Variants in AKAP12 observed in about 807,000 individuals in gnomAD.
AKAP12 encodes the protein A-kinase anchor protein 12.
Under a neutral mutation model 79.9 loss-of-function variants are expected in AKAP12, and 32 were observed. The ratio of observed to expected loss-of-function variants is 0.40; its 90% CI spans 0.30 to 0.54. AKAP12 has a LOEUF of 0.54. Among genes scored for constraint, AKAP12 ranks in the 20% least tolerant of loss-of-function variants. The probability of loss-of-function intolerance (pLI) is 0.48; values close to 1 mark genes in which losing one functional copy is unlikely to be tolerated. For synonymous variants in AKAP12, 808 were observed against 857.0 expected, an observed-to-expected ratio of 0.94 and a Z score of 1.00; for missense variants, 2,074 against 2,177.0, an observed-to-expected ratio of 0.95 and a Z score of 0.94.
intron 3 of AKAP12, among the ~76,000 whole-genome samples, chr6:151,343,056 C>A (rs1397636112): frequency 2.0e-5 from 3 of 152,216 alleles, no homozygotes; most frequent in Non-Finnish European, 4.4e-5. Flanking sequence ...AGCCATAGTG[C>A]CCGGCCCAAT....
chr6:151,322,576 G>A (rs1443616712), intron 3 of AKAP12, among the ~76,000 whole-genome samples: 1 of 152,144 alleles, frequency 6.6e-6, no homozygotes, highest in Non-Finnish European at 1.5e-5. Context: ...GCCCATGCTC[G>A]TCTGTCCCTA....
At chr6:151,279,826 G>A in intron 2 of AKAP12, among the ~76,000 whole-genome samples, 1 of 152,000 alleles carries the variant, frequency 6.6e-6, no homozygotes, top group East Asian at 1.9e-4. Flanking sequence ...CATCCTGGGT[G>A]ATGGAGTGAG....
At chr6:151,332,908 G>A (rs972241024) in intron 3 of AKAP12, among the ~76,000 whole-genome samples, 5 of 152,330 alleles carry the variant, frequency 3.3e-5, no homozygotes, top group African/African-American at 1.2e-4. Flanking sequence ...CTGGGCATGG[G>A]AGAGACTTGG....
At chr6:151,292,738 A>G (rs770603654) in intron 2 of AKAP12, among the ~76,000 whole-genome samples, 1 of 152,240 alleles carries the variant, frequency 6.6e-6, no homozygotes, top group Non-Finnish European at 1.5e-5. Flanking sequence ...AGCTGTCAGC[A>G]TGGTGAAGAG....
At chr6:151,336,679 T>C (rs937376424) in intron 3 of AKAP12, among the ~76,000 whole-genome samples, 7 of 152,038 alleles carry the variant, frequency 4.6e-5, no homozygotes, top group Non-Finnish European at 1.0e-4. Flanking sequence ...GAGGTGGAGG[T>C]TGCAGTGGAA....
chr6:151,254,705 C>T (rs907727870), intron 2 of AKAP12, among the ~76,000 whole-genome samples: 1 of 152,076 alleles, frequency 6.6e-6, no homozygotes, highest in Admixed American at 6.6e-5. Flanking sequence ...AGACAACGAT[C>T]GGTTATTCGT....
At position 151,349,325 on chromosome 6, in the gene AKAP12, A is replaced by C; in HGVS notation, c.934A>C (p.Ser312Arg). Residue 312 changes from serine to arginine, a missense_variant, in exon 4 of 5, where the codon AGT (serine) becomes CGT (arginine). Transcript: ENST00000402676. ...TTGGGCCGGCTGGCGCAAAAAGACC[A>C]GTTTCAGGAAGCCGAAGGAGGATGA... ...QGWAGWRKKT[S>R]FRKPKEDEVE... 1 of 1,613,968 alleles carries C rather than the reference A, an allele frequency of 6.2e-7. No homozygotes were observed. The highest frequency in any genetic ancestry group is 1.1e-5 in the South Asian group (1 of 91,078).
intron 3 of AKAP12, among the ~76,000 whole-genome samples, chr6:151,307,572 G>A (rs1291205173): frequency 6.6e-6 from 1 of 152,176 alleles, no homozygotes; most frequent in African/African-American, 2.4e-5. Flanking sequence ...ATAAGAGGAG[G>A]GAGGGATGGG....
chr6:151,335,508 C>A (rs1189515052), intron 3 of AKAP12, among the ~76,000 whole-genome samples: 1 of 151,982 alleles, frequency 6.6e-6, no homozygotes, highest in Non-Finnish European at 1.5e-5. Context: ...GAGATGGAGA[C>A]TCACTCTGTC....
At chr6:151,250,731 G>C (rs1475619459) in intron 2 of AKAP12, among the ~76,000 whole-genome samples, 1 of 150,442 alleles carries the variant, frequency 6.6e-6, no homozygotes, top group African/African-American at 2.4e-5. Flanking sequence ...TCAGCCTCCC[G>C]AGTAGCTGGG....
chr6:151,299,429 AAAC>A (rs1351102100), intron 2 of AKAP12, among the ~76,000 whole-genome samples: 4 of 152,184 alleles, frequency 2.6e-5, no homozygotes, highest in Non-Finnish European at 4.4e-5. Context: ...GGATAAAACC[AAAC>A]AACAACAATG....
chr6:151,335,754 C>T (rs181653783), intron 3 of AKAP12, among the ~76,000 whole-genome samples: 7 of 152,174 alleles, frequency 4.6e-5, no homozygotes, highest in Admixed American at 1.3e-4. Context: ...ATTACAGCCC[C>T]GTGAGCCACT....
Position 151,337,524 on chromosome 6 carries a change from A to AG in AKAP12, c.320-11187_320-11186insG, listed in dbSNP as rs1554331950. Among the ~76,000 whole-genome samples the AG allele has an allele frequency of 2.2e-4, 29 of 129,808 alleles. 1 individual carries two copies. The East Asian group carries it at 4.5e-3, about 20-fold the overall frequency. 85.2% of individuals were successfully genotyped at this position (129,808 alleles called of 152,430 possible). A position where few individuals can be genotyped will look rare whatever the true frequency, so the allele number is the denominator to read the frequency against. On this transcript the variant is annotated intron_variant, in intron 3 of 4. Transcript: ENST00000402676. ...GAGTTTCCGTCTCGAAAAAAAAAAA[A>AG]AAAGAAAGAAAGAAAGATAACTGTA...
At chr6:151,243,240 G>A (rs117488212) in intron 2 of AKAP12, among the ~76,000 whole-genome samples, 6 of 152,322 alleles carry the variant, frequency 3.9e-5, no homozygotes, top group Non-Finnish European at 7.3e-5. Flanking sequence ...TCCTTGATGT[G>A]TCTGTGGACG....
intron 2 of AKAP12, among the ~76,000 whole-genome samples, chr6:151,282,991 G>C (rs1776437414): frequency 6.6e-6 from 1 of 152,146 alleles, no homozygotes; most frequent in Admixed American, 6.5e-5. Context: ...TTAGATGACT[G>C]TTGAAGAGTA....
chr6:151,302,784 C>T lies in AKAP12; in HGVS notation c.163-2963C>T, dbSNP rs79248826. On this transcript the variant is annotated intron_variant, in intron 2 of 4. Coordinates refer to ENST00000402676, the MANE Select transcript of AKAP12 (RefSeq NM_005100.4). ...CAACAGTTTCTAGGTTTAAGATTCA[C>T]TGGGTTACCATGTAGCCCACGATAA... Among the ~76,000 whole-genome samples, 86 of 152,306 alleles carry T rather than the reference C, an allele frequency of 5.6e-4. 4 individuals carry two copies. The East Asian group carries it at 0.013, about 24-fold the overall frequency.
intron 2 of AKAP12, among the ~76,000 whole-genome samples, chr6:151,268,040 C>T (rs927905562): frequency 2.0e-5 from 3 of 152,146 alleles, no homozygotes; most frequent in African/African-American, 7.2e-5. Flanking sequence ...CATACCCTTC[C>T]ATCCCCAACT....
At position 151,240,502 on chromosome 6, in the gene AKAP12, TC is replaced by T; in HGVS notation, c.-58del. 1.5e-6 allele frequency: 2 copies of T among 1,367,522 alleles called. No individual in the cohort carries two copies. Among genetic ancestry groups the T allele is most frequent in the Non-Finnish European group, 9.4e-7 (1 of 1,067,146 alleles). The allele number at this position is 1,367,522 out of a possible 1,614,324, so 84.7% of individuals were successfully genotyped here. On this transcript the variant is annotated 5_prime_UTR_variant, in exon 2 of 5. Transcript: ENST00000402676. Reference sequence around the variant, plus strand: ...GCGCGTCTTTTGGCTCTTGCCCCTGTCCCTGCGGCTTGGGGAAGGCGTAACC... The same window carrying T: ...GCGCGTCTTTTGGCTCTTGCCCCTGTCCTGCGGCTTGGGGAAGGCGTAACC...
At chr6:151,332,854 G>A (rs889930111) in intron 3 of AKAP12, among the ~76,000 whole-genome samples, 2 of 152,196 alleles carry the variant, frequency 1.3e-5, no homozygotes, top group Admixed American at 6.5e-5. Flanking sequence ...GTTTCTGGCC[G>A]AACCTCAGCA....
Sources: gnomAD v4.1 joint callset for allele counts (sites outside exome capture counted in the v4.1 genomes callset) on GRCh38, gnomAD v4.1.1 for gene constraint, MANE v1.5 for transcripts, NCBI Gene and HGNC (gene_info 2026-07-23, HGNC 2026-07-21) for gene names.